Variants in PIN4 observed in about 807,000 individuals in gnomAD.
PIN4 encodes the protein peptidylprolyl cis/trans isomerase, NIMA-interacting 4, also known as peptidyl-prolyl cis-trans isomerase NIMA-interacting 4.
Under a neutral mutation model 8.3 loss-of-function variants are expected in PIN4, and 3 were observed. That is an observed-to-expected ratio of 0.36 (90% CI 0.16 to 0.93). PIN4 has a LOEUF of 0.93. Ranked by LOEUF, PIN4 falls within the 40% of genes least tolerant of loss-of-function variation. The pLI, the probability that PIN4 is intolerant of heterozygous loss-of-function variation, is 0.44. For synonymous variants in PIN4, 18 were observed against 32.5 expected (o/e 0.55, Z 1.52); for missense variants, 75 against 100.6 (o/e 0.75, Z 1.09).
chrX:72,230,239 C>T (rs1027175438), intron 3 of PIN4, among the ~76,000 whole-genome samples: 35 of 110,581 alleles, frequency 3.2e-4, no homozygotes, highest in African/African-American at 1.2e-3. Context: ...GCAACCTCAT[C>T]ATATCCCACA....
intron 3 of PIN4, among the ~76,000 whole-genome samples, chrX:72,236,990 A>G (rs751372146): frequency 1.8e-5 from 2 of 112,199 alleles, no homozygotes; most frequent in South Asian, 7.4e-4. Flanking sequence ...ATAGCTCATC[A>G]CACACCAGCC....
Position 72,234,263 on chromosome X carries a change from G to A in PIN4, c.313-28444G>A, listed in dbSNP as rs772066368. Among the ~76,000 whole-genome samples, 7 of 112,266 alleles carry A rather than the reference G, an allele frequency of 6.2e-5. No individual in the cohort carries two copies. In the South Asian group the frequency reaches 1.8e-3, roughly 29 times the overall value. Reference sequence around the variant, plus strand: ...AGTCAGTGAAGTAAGAAGAAAATCCGGAGAGCAAGGGCTCCTTGGAAGACT... The same window carrying A: ...AGTCAGTGAAGTAAGAAGAAAATCCAGAGAGCAAGGGCTCCTTGGAAGACT... On this transcript the variant is annotated intron_variant, in intron 3 of 3. Coordinates refer to the PIN4 transcript ENST00000423432.
At chrX:72,261,152 G>A (rs1025144525) in intron 3 of PIN4, among the ~76,000 whole-genome samples, 18 of 110,402 alleles carry the variant, frequency 1.6e-4, no homozygotes, top group African/African-American at 5.3e-4. Flanking sequence ...AAAATTAGCC[G>A]GGCATGGTGG....
chrX:72,245,181 C>T (rs2043063589), intron 3 of PIN4, among the ~76,000 whole-genome samples: 1 of 106,964 alleles, frequency 9.3e-6, no homozygotes, highest in African/African-American at 3.4e-5. Context: ...GACAGGGTCT[C>T]ACTCTGTTGC....
intron 3 of PIN4, among the ~76,000 whole-genome samples, chrX:72,215,557 A>G (rs2042883245): frequency 1.8e-5 from 2 of 111,931 alleles, no homozygotes; most frequent in South Asian, 3.7e-4. Flanking sequence ...GAGTATAGTA[A>G]AATGTTAATA....
At chrX:72,207,771 G>A (rs780525195) in intron 3 of PIN4, 7 of 1,208,392 alleles carry the variant, frequency 5.8e-6, no homozygotes, top group South Asian at 3.5e-5. Flanking sequence ...TCTTCTGTAC[G>A]TCTTCTTTAG....
chrX:72,216,638 T>G (rs1472836724), intron 3 of PIN4, among the ~76,000 whole-genome samples: 2 of 111,897 alleles, frequency 1.8e-5, no homozygotes, highest in Admixed American at 1.9e-4. Context: ...CTATTCTAGA[T>G]ATTTCATATA....
intron 2 of PIN4, among the ~76,000 whole-genome samples, chrX:72,191,939 G>A (rs1022087550): frequency 1.8e-5 from 2 of 108,136 alleles, no homozygotes; most frequent in Admixed American, 9.9e-5. Context: ...TTTAAAATTC[G>A]TGGGTTTTTT....
chrX:72,214,010 G>A (rs2042873070), intron 3 of PIN4, among the ~76,000 whole-genome samples: 1 of 112,413 alleles, frequency 8.9e-6, no homozygotes, highest in Admixed American at 9.4e-5. Flanking sequence ...GCATGTAGAT[G>A]CATTAGACAC....
rs73624218 is a variant in PIN4, at chrX:72,188,690, G to C, written c.117+2156G>C. Among the ~76,000 whole-genome samples, 250 of 111,099 alleles carry C rather than the reference G, an allele frequency of 2.3e-3. 1 individual carries two copies. The highest frequency in any genetic ancestry group is 7.6e-3 in the African/African-American group (234 of 30,605). ...GCTAATTTTTTAAAAACTTTGTTTTGTTGTTTTTATCTTTGTAGAGATGGA... is the reference window on the plus strand; with the variant it reads ...GCTAATTTTTTAAAAACTTTGTTTTCTTGTTTTTATCTTTGTAGAGATGGA... On this transcript the variant is annotated intron_variant, in intron 2 of 3. Coordinates refer to ENST00000373669, the MANE Select transcript of PIN4 (RefSeq NM_006223.4).
At chrX:72,248,295 A>G (rs2043074809) in intron 3 of PIN4, among the ~76,000 whole-genome samples, 3 of 4,579 alleles carry the variant, frequency 6.6e-4, no homozygotes, top group African/African-American at 5.6e-3. Flanking sequence ...CATCCAGAAA[A>G]AAAAAAAAAA....
intron 3 of PIN4, among the ~76,000 whole-genome samples, chrX:72,255,305 G>A (rs181857221): frequency 2.4e-4 from 13 of 53,452 alleles, no homozygotes; most frequent in African/African-American, 3.1e-4. Context: ...AATAATAATA[G>A]TAATAATAAT....
chrX:72,196,213 C>CTGT (rs1306157467), intron 2 of PIN4, among the ~76,000 whole-genome samples: 5 of 110,873 alleles, frequency 4.5e-5, no homozygotes, highest in African/African-American at 1.6e-4. Context: ...TTTCCTCCTC[C>CTGT]TGTTAGCATG....
downstream of PIN4, among the ~76,000 whole-genome samples, chrX:72,201,465 G>A (rs187887134): frequency 1.1e-4 from 12 of 110,910 alleles, no homozygotes; most frequent in East Asian, 2.6e-3. Context: ...TGATGGTGGC[G>A]CACACCTGTA....
chrX:72,185,356 G>T (rs1371556003), intron 1 of PIN4, among the ~76,000 whole-genome samples: 1 of 109,617 alleles, frequency 9.1e-6, no homozygotes, highest in Non-Finnish European at 1.9e-5. Flanking sequence ...ATTCTGGAGT[G>T]TCTCCTCATC....
intron 3 of PIN4, chrX:72,256,125 G>A (rs1334673034): frequency 8.9e-6 from 1 of 111,740 alleles, no homozygotes. Context: ...TATATGTCAG[G>A]TATTGTGTTG....
intron 3 of PIN4, among the ~76,000 whole-genome samples, chrX:72,248,992 G>A (rs1335772609): frequency 1.8e-5 from 2 of 112,096 alleles, no homozygotes; most frequent in Non-Finnish European, 3.8e-5. Context: ...AGTTCACCAG[G>A]GGTTCTCAAG....
chrX:72,239,405 G>T (rs2043038571), intron 3 of PIN4, among the ~76,000 whole-genome samples: 1 of 112,195 alleles, frequency 8.9e-6, no homozygotes, highest in Non-Finnish European at 1.9e-5. Context: ...TTCCTTGATC[G>T]CCAGTACCTG....
intron 1 of PIN4, among the ~76,000 whole-genome samples, chrX:72,184,869 G>GC: frequency 9.0e-6 from 1 of 110,706 alleles, no homozygotes; most frequent in South Asian, 3.8e-4. Context: ...GCGGCCAGGC[G>GC]CGGTGGCTCA....
Sources: allele counts gnomAD v4.1 joint callset (sites outside exome capture counted in the v4.1 genomes callset), GRCh38; gene constraint gnomAD v4.1.1; transcripts MANE v1.5; gene names NCBI Gene and HGNC (gene_info 2026-07-23, HGNC 2026-07-21).